ATP13A2: variants seen among roughly 807,000 people sequenced by gnomAD.
ATP13A2 encodes the protein ATPase cation transporting 13A2, also known as polyamine-transporting ATPase 13A2.
A neutral mutation model predicts 138.3 loss-of-function variants in ATP13A2; 83 were observed. The ratio of observed to expected loss-of-function variants is 0.60; its 90% CI spans 0.50 to 0.72. The LOEUF (loss-of-function observed/expected upper bound fraction) is 0.72, where lower values mean the gene tolerates loss of function less well. Among genes scored for constraint, ATP13A2 ranks in the 30% least tolerant of loss-of-function variants. The pLI is 0.00. For synonymous variants in ATP13A2, 663 were observed against 699.0 expected, an observed-to-expected ratio of 0.95 and a Z score of 0.81; for missense variants, 1,402 against 1,606.4, an observed-to-expected ratio of 0.87 and a Z score of 2.17.
At chr1:16,991,632 G>T in intron 20 of ATP13A2, 102 bp downstream of exon 20, 1 of 1,561,738 alleles carries the variant, frequency 6.4e-7, no homozygotes, top group South Asian at 1.1e-5. Flanking sequence ...TGAAGCAAGG[G>T]CCCAAAAAGA....
chr1:17,003,019 G>A (rs1225202374), intron 6 of ATP13A2, among the ~76,000 whole-genome samples: 2 of 152,162 alleles, frequency 1.3e-5, no homozygotes, highest in African/African-American at 4.8e-5. Context: ...TCCCGTGACT[G>A]ATAATGGCAG....
intron 11 of ATP13A2, among the ~76,000 whole-genome samples, chr1:16,999,401 AAAAAG>A (rs1335193951): frequency 2.4e-4 from 34 of 141,212 alleles, no homozygotes; most frequent in Non-Finnish European, 4.3e-4. Context: ...AAAAAAAAAA[AAAAAG>A]GAGAAATAGC....
At chr1:17,000,194 G>GCTCC in intron 10 of ATP13A2, 52 bp from the exon 11 acceptor site, 1 of 1,570,254 alleles carries the variant, frequency 6.4e-7, no homozygotes, top group Non-Finnish European at 8.7e-7. Context: ...CCCCAGCCAT[G>GCTCC]CCCCCCCACC....
intron 11 of ATP13A2, among the ~76,000 whole-genome samples, chr1:16,997,698 G>A (rs186695011): frequency 2.0e-3 from 308 of 152,046 alleles, no homozygotes; most frequent in African/African-American, 7.2e-3. Context: ...AAAATTAGCC[G>A]GGTGTTGTGG....
At chr1:17,003,614 C>T (rs951908699) in intron 6 of ATP13A2, among the ~76,000 whole-genome samples, 1 of 151,320 alleles carries the variant, frequency 6.6e-6, no homozygotes, top group African/African-American at 2.4e-5. Flanking sequence ...CACACACACA[C>T]ACACACACAT....
At chr1:16,997,815 T>C (rs2077197754) in intron 11 of ATP13A2, among the ~76,000 whole-genome samples, 1 of 128,214 alleles carries the variant, frequency 7.8e-6, no homozygotes, top group African/African-American at 3.0e-5. Context: ...CACTCCAGCC[T>C]GGACAACAGA....
At chr1:16,991,100 C>A (rs962498996) in intron 20 of ATP13A2, among the ~76,000 whole-genome samples, 2 of 152,036 alleles carry the variant, frequency 1.3e-5, no homozygotes, top group African/African-American at 4.8e-5. Flanking sequence ...CAGGCATCCA[C>A]CACCATACCT....
At chr1:16,996,672 G>A in intron 12 of ATP13A2, 176 bp from the exon 13 acceptor site, 1 of 637,812 alleles carries the variant, frequency 1.6e-6, no homozygotes, top group Non-Finnish European at 2.8e-6. Flanking sequence ...CTTTTTAAGG[G>A]CTTTAAACAA....
rs1172824565 is a variant in ATP13A2 at position 17,004,462 on chromosome 1, A to G, written c.478-51T>C. 2 of 1,601,882 alleles carry G rather than the reference A, an allele frequency of 1.2e-6. No individual in the cohort carries two copies. Among genetic ancestry groups the G allele is most frequent in the Non-Finnish European group, 1.7e-6 (2 of 1,171,626 alleles). On this transcript the variant is annotated intron_variant, in intron 5 of 28. Coordinates refer to ENST00000326735, the MANE Select transcript of ATP13A2 (RefSeq NM_022089.4). This position sits in a 1 kb window ranked among gnomAD's most constrained non-coding sequence, Gnocchi z 4.1. ...GTTGGAAGCTGGCCCCGGCCCCAGA[A>G]GCAGTGTGCTTATGCTGGGAGCCGA...
In ATP13A2 at chr1:17,004,496, G is replaced by A. The variant is rs1418552158; in HGVS notation, c.478-85C>T. ...CTTATGCTGGGAGCCGAGGGATGGG[G>A]GTAGGGGGCAGGGACTGGTGTCACC... On this transcript the variant is annotated intron_variant, in intron 5 of 28. Transcript: ENST00000326735. This position sits in a 1 kb window ranked among gnomAD's most constrained non-coding sequence, Gnocchi z 4.1. 1 of 1,560,648 alleles carries A rather than the reference G, an allele frequency of 6.4e-7. No individual in the cohort carries two copies. Among genetic ancestry groups the A allele is most frequent in the African/African-American group, 1.4e-5 (1 of 73,504 alleles).
chr1:16,988,085 T>C, intron 25 of ATP13A2, 53 bp downstream of exon 25: 1 of 1,520,576 alleles, frequency 6.6e-7, no homozygotes. Flanking sequence ...CAGGGCTGTG[T>C]CCCCTCCCTA....
chr1:16,994,621 G>A (rs909061738), intron 15 of ATP13A2, among the ~76,000 whole-genome samples: 2 of 152,034 alleles, frequency 1.3e-5, no homozygotes, highest in African/African-American at 4.8e-5. Context: ...TGGCTCCTTG[G>A]CTAGCCTGGG....
Position 17,004,804 on chromosome 1 carries a change from T to C in ATP13A2, c.365A>G (p.Gln122Arg), listed in dbSNP as rs1381282241. The C allele has an allele frequency of 1.9e-6, 3 of 1,613,878 alleles. 1 individual carries two copies. In the South Asian group the frequency reaches 3.3e-5, roughly 18 times the overall value. ...IGEGSLEPSP[Q>R]SQAEDGRSQA... ...GCTCCGGCCATCCTCTGCCTGGGAC[T>C]GTGGGGACGGCTCCAGGCTGGGGAA... The change falls in exon 5 of 29, where the codon CAG (glutamine) becomes CGG (arginine). Residue 122 changes from glutamine (Q) to arginine (R), a missense_variant. By Grantham distance (43) the Gln-to-Arg change is conservative. Transcript: ENST00000326735. This position sits in a 1 kb window ranked among gnomAD's most constrained non-coding sequence, Gnocchi z 4.1.
intron 6 of ATP13A2, 138 bp from the exon 7 acceptor site, chr1:17,002,511 C>A: frequency 2.0e-6 from 2 of 987,536 alleles, no homozygotes; most frequent in Non-Finnish European, 3.0e-6. Context: ...AGCAAGTAAG[C>A]CCCCTTGAAC....
At chr1:16,998,533 A>G (rs1377366576) in intron 11 of ATP13A2, among the ~76,000 whole-genome samples, 1 of 152,124 alleles carries the variant, frequency 6.6e-6, no homozygotes, top group Non-Finnish European at 1.5e-5. Flanking sequence ...ATACAATGCC[A>G]GCCAGAAAAC....
chr1:17,001,913 T>G, intron 8 of ATP13A2, 121 bp downstream of exon 8: 1 of 1,012,198 alleles, frequency 9.9e-7, no homozygotes, highest in Non-Finnish European at 1.4e-6. Flanking sequence ...GACGATCCAC[T>G]ATGGAGAAGG....
chr1:16,999,929 T>G, intron 11 of ATP13A2, 82 bp downstream of exon 11: 1 of 1,471,086 alleles, frequency 6.8e-7, no homozygotes, highest in African/African-American at 1.4e-5. Context: ...AAAAGGAAAC[T>G]CAAATGAAAA....
intron 12 of ATP13A2, 34 bp downstream of exon 12, chr1:16,996,986 G>A: frequency 6.2e-7 from 1 of 1,604,308 alleles, no homozygotes. Flanking sequence ...GCTGAGCCCG[G>A]GATCTCTCTC....
rs755005606 is a variant in ATP13A2, at chr1:16,997,018, A to G, written c.1195+2T>C. On this transcript the variant is annotated splice_donor_variant, in intron 12 of 28. Transcript: ENST00000326735. LOFTEE classifies it high-confidence loss of function. Reference sequence around the variant, plus strand: ...TCTCAAGCCCAGCCTCCCGGCTCATACCTGTGCGGGTCACCACTGCCAGGA... The same window carrying G: ...TCTCAAGCCCAGCCTCCCGGCTCATGCCTGTGCGGGTCACCACTGCCAGGA... 1 of 1,611,518 alleles carries G rather than the reference A, an allele frequency of 6.2e-7. No individual in the cohort carries two copies. The highest frequency in any genetic ancestry group is 8.5e-7 in the Non-Finnish European group (1 of 1,179,772).
Sources: gnomAD v4.1 joint callset for allele counts (sites outside exome capture counted in the v4.1 genomes callset) on GRCh38, gnomAD v4.1.1 for gene constraint, Gnocchi (gnomAD v3.1) non-coding constraint, MANE v1.5 for transcripts, NCBI Gene and HGNC (gene_info 2026-07-23, HGNC 2026-07-21) for gene names.